Variants in TBC1D16 observed in about 807,000 individuals in gnomAD.
TBC1D16 encodes the protein TBC1 domain family member 16.
In TBC1D16, 58 loss-of-function variants were observed where a neutral mutation model predicts 74.7. That is an observed-to-expected ratio of 0.78 (90% CI 0.63 to 0.97). The LOEUF (loss-of-function observed/expected upper bound fraction) is 0.97, where lower values mean the gene tolerates loss of function less well. Among genes scored for constraint, TBC1D16 ranks in the 50% least tolerant of loss-of-function variants. TBC1D16 has a pLI of 0.00. For synonymous variants in TBC1D16, 493 were observed against 474.7 expected (o/e 1.04, Z -0.50); for missense variants, 1,014 against 1,079.5 (o/e 0.94, Z 0.85).
At position 80,013,572 on chromosome 17, in the gene TBC1D16, C is replaced by T. The variant is rs753863026; in HGVS notation, c.-25G>A. ...TTGCCGGGCAAGTGTTTCCATCCTC[C>T]GCATGCGTCGGCCCGGGCAGGGCTC... On this transcript the variant is annotated 5_prime_UTR_variant, in exon 2 of 12. Transcript: ENST00000310924. The T allele has an allele frequency of 2.5e-5, 36 of 1,468,360 alleles. No individual in the cohort carries two copies. The African/African-American group carries it at 3.1e-4, about 13-fold the overall frequency. The allele number at this position is 1,468,360 out of a possible 1,614,324, so 91.0% of individuals were successfully genotyped here. A position where few individuals can be genotyped will look rare whatever the true frequency, so the allele number is the denominator to read the frequency against.
Position 79,980,404 on chromosome 17 carries a change from G to A in TBC1D16, c.780-27586C>T, listed in dbSNP as rs1003627501. Reference sequence around the variant, plus strand: ...CTTTCCTTCCTTCCCGGAGGAACAAGACACTAAGAAGAGGTTCCCAGGGGA... The same window carrying A: ...CTTTCCTTCCTTCCCGGAGGAACAAAACACTAAGAAGAGGTTCCCAGGGGA... On this transcript the variant is annotated intron_variant, in intron 3 of 11. Coordinates refer to ENST00000310924, the MANE Select transcript of TBC1D16 (RefSeq NM_019020.4). This position sits in a 1 kb window ranked among gnomAD's most constrained non-coding sequence, Gnocchi z 7.0. Among the ~76,000 whole-genome samples the A allele has an allele frequency of 1.3e-5, 2 of 152,158 alleles. No individual in the cohort carries two copies. The highest frequency in any genetic ancestry group is 4.8e-5 in the African/African-American group (2 of 41,434).
chr17:80,023,662 C>CCCCCCCCCCCG (rs1568646902), intron 1 of TBC1D16, among the ~76,000 whole-genome samples: 1 of 144,208 alleles, frequency 6.9e-6, no homozygotes. Context: ...GCCGGGCCCC[C>CCCCCCCCCCCG]CCCCACCGGC....
intron 1 of TBC1D16, among the ~76,000 whole-genome samples, chr17:80,021,754 C>T (rs1190626621): frequency 6.8e-6 from 1 of 147,928 alleles, no homozygotes; most frequent in Non-Finnish European, 1.5e-5. Flanking sequence ...ACCATAGACA[C>T]ATCACACACA....
In TBC1D16 at chr17:80,010,271, T is replaced by C; in HGVS notation, c.668A>G (p.Asp223Gly). 1 of 1,613,430 alleles carries C rather than the reference T, an allele frequency of 6.2e-7. No individual in the cohort carries two copies. The highest frequency in any genetic ancestry group is 8.5e-7 in the Non-Finnish European group (1 of 1,179,836). The change falls in exon 3 of 12, where the codon GAC becomes GGC. Residue 223 changes from aspartate to glycine, a missense_variant. Coordinates refer to ENST00000310924, the MANE Select transcript of TBC1D16 (RefSeq NM_019020.4). The surrounding 1 kb of genome is among the most constrained non-coding windows in gnomAD (Gnocchi z 8.8). ...LELSAEGVSR[D>G]SSFDSDSDTF... ...GTCTGAGTCTGAGTCAAAGGAGCTGTCTCTGCTCACGCCCTCGGCTGACAG... is the reference window on the plus strand; with the variant it reads ...GTCTGAGTCTGAGTCAAAGGAGCTGCCTCTGCTCACGCCCTCGGCTGACAG...
intron 11 of TBC1D16, 29 bp downstream of exon 11, chr17:79,942,031 G>C: frequency 6.3e-7 from 1 of 1,587,694 alleles, no homozygotes; most frequent in Non-Finnish European, 8.5e-7. Context: ...GGCGGGGCGG[G>C]GTGGGGCCCA....
chr17:80,001,059 C>T lies in TBC1D16; in HGVS notation c.779+9101G>A, dbSNP rs569132171. On this transcript the variant is annotated intron_variant, in intron 3 of 11. Transcript: ENST00000310924. The surrounding 1 kb of genome is among the most constrained non-coding windows in gnomAD (Gnocchi z 5.8). Reference sequence around the variant, plus strand: ...GAGGGGACCAGTGCTCGGCTGGGCGCCTGCTTGGCTTCTCCGCCTGACAGT... The same window carrying T: ...GAGGGGACCAGTGCTCGGCTGGGCGTCTGCTTGGCTTCTCCGCCTGACAGT... Among the ~76,000 whole-genome samples, 266 of 152,348 alleles carry T rather than the reference C, an allele frequency of 1.7e-3. 2 individuals carry two copies. Among genetic ancestry groups the T allele is most frequent in the African/African-American group, 6.0e-3 (250 of 41,584 alleles).
At position 80,009,685 on chromosome 17, in the gene TBC1D16, T is replaced by G. The variant is rs1443063782; in HGVS notation, c.779+475A>C. On this transcript the variant is annotated intron_variant, in intron 3 of 11. Transcript: ENST00000310924. The surrounding 1 kb of genome is among the most constrained non-coding windows in gnomAD (Gnocchi z 5.4). Reference sequence around the variant, plus strand: ...GGGCCAGGTCACGTGCCCAGTGGGCTGCAGGGCAGAGCGGGGAGCTGGAGA... The same window carrying G: ...GGGCCAGGTCACGTGCCCAGTGGGCGGCAGGGCAGAGCGGGGAGCTGGAGA... 6.6e-6 allele frequency among the ~76,000 whole-genome samples: 1 copy of G among 152,226 alleles called. No individual in the cohort carries two copies. Among genetic ancestry groups the G allele is most frequent in the Non-Finnish European group, 1.5e-5 (1 of 68,032 alleles).
In TBC1D16 at chr17:80,009,349, T is replaced by C. The variant is rs1598421056; in HGVS notation, c.779+811A>G. 6.6e-6 allele frequency among the ~76,000 whole-genome samples: 1 copy of C among 152,342 alleles called. No homozygotes were observed. The highest frequency in any genetic ancestry group is 2.1e-4 in the South Asian group (1 of 4,826). On this transcript the variant is annotated intron_variant, in intron 3 of 11. Coordinates refer to ENST00000310924, the MANE Select transcript of TBC1D16 (RefSeq NM_019020.4). This position sits in a 1 kb window ranked among gnomAD's most constrained non-coding sequence, Gnocchi z 5.4. ...GGATGCAGGCCCCCTGTGCTGGCTC[T>C]GGGGCTCCGGGCTTATGCGACCACA... is the stretch of plus-strand genomic sequence containing the variant.
chr17:80,033,341 TTTG>T (rs541115982), intron 1 of TBC1D16, among the ~76,000 whole-genome samples: 226 of 150,486 alleles, frequency 1.5e-3, no homozygotes, highest in African/African-American at 4.1e-3. Context: ...AGTTGGGGTT[TTTG>T]TTGTTGTTTT....
At position 79,952,770 on chromosome 17, in the gene TBC1D16, G is replaced by A; in HGVS notation, c.828C>T (p.Gly276=). The change falls in exon 4 of 12, where the codon GGC becomes GGT. Residue 276 remains glycine (G), a synonymous_variant. Transcript: ENST00000310924. ...CGTCCCAGCGTGGGGTCTGCAGGAG[G>A]CCGTTGCTGTCCGGGAACCGCAGGC... ...DAGLRFPDSN[G]LLQTPRWDEP... is the part of the protein sequence containing the mutation. 1.9e-6 allele frequency: 3 copies of A among 1,612,000 alleles called. No individual in the cohort carries two copies. The highest frequency in any genetic ancestry group is 1.7e-6 in the Non-Finnish European group (2 of 1,179,312).
At position 80,010,498 on chromosome 17, in the gene TBC1D16, A is replaced by G. The variant is rs2035847377; in HGVS notation, c.441T>C (p.Ser147=). The G allele has an allele frequency of 6.2e-7, 1 of 1,610,512 alleles. No individual in the cohort carries two copies. The highest frequency in any genetic ancestry group is 8.5e-7 in the Non-Finnish European group (1 of 1,178,654). ...KDEDILVVAQ[S]VPDRMLASPA... ...GGCTGGCGAGCATGCGGTCTGGAAC[A>G]CTCTGGGCCACCACCAGGATGTCCT... Residue 147 remains serine, a synonymous_variant, in exon 3 of 12, where the codon AGT becomes AGC. Transcript: ENST00000310924. This position sits in a 1 kb window ranked among gnomAD's most constrained non-coding sequence, Gnocchi z 8.8.
At chr17:79,973,709 C>CAA (rs869165079) in intron 3 of TBC1D16, among the ~76,000 whole-genome samples, 3 of 95,258 alleles carry the variant, frequency 3.1e-5, no homozygotes, top group African/African-American at 3.4e-5. Context: ...GACTCTGTCT[C>CAA]AAAAAAAAAA....
In TBC1D16 at chr17:80,009,020, C is replaced by A. The variant is rs1186944318; in HGVS notation, c.779+1140G>T. Reference sequence around the variant, plus strand: ...TGGGAGACCCCTGGCAAGCTGCTGACCTTCTCCGAGCCGCCCTTTCCCCTT... The same window carrying A: ...TGGGAGACCCCTGGCAAGCTGCTGAACTTCTCCGAGCCGCCCTTTCCCCTT... On this transcript the variant is annotated intron_variant, in intron 3 of 11. Transcript: ENST00000310924. This position sits in a 1 kb window ranked among gnomAD's most constrained non-coding sequence, Gnocchi z 5.4. Among the ~76,000 whole-genome samples the A allele has an allele frequency of 1.3e-5, 2 of 152,204 alleles. No individual in the cohort carries two copies. Among genetic ancestry groups the A allele is most frequent in the African/African-American group, 4.8e-5 (2 of 41,446 alleles).
At chr17:80,006,401 G>A (rs1311652106) in intron 3 of TBC1D16, among the ~76,000 whole-genome samples, 2 of 152,118 alleles carry the variant, frequency 1.3e-5, no homozygotes, top group Admixed American at 6.5e-5. Flanking sequence ...GCTGCCCAGG[G>A]CATTCTCATG....
intron 3 of TBC1D16, among the ~76,000 whole-genome samples, chr17:80,006,552 A>G (rs2035686281): frequency 6.6e-6 from 1 of 152,132 alleles, no homozygotes; most frequent in Non-Finnish European, 1.5e-5. Context: ...TGGGTCTACC[A>G]TGTGGTGGGG....
chr17:80,033,122 G>C (rs997865061), intron 1 of TBC1D16, among the ~76,000 whole-genome samples: 7 of 152,204 alleles, frequency 4.6e-5, no homozygotes, highest in African/African-American at 1.7e-4. Flanking sequence ...AATGTTTTGT[G>C]TCAATCTAGT....
chr17:80,022,882 G>A (rs534389292), intron 1 of TBC1D16, among the ~76,000 whole-genome samples: 14 of 149,754 alleles, frequency 9.3e-5, no homozygotes, highest in Middle Eastern at 3.4e-3. Flanking sequence ...TGATCCGCCC[G>A]CCTCAACCTC....
chr17:80,031,380 G>C (rs1263353281), intron 1 of TBC1D16, among the ~76,000 whole-genome samples: 1 of 152,224 alleles, frequency 6.6e-6, no homozygotes, highest in Non-Finnish European at 1.5e-5. Context: ...GCAGAAGCGA[G>C]AACGGGACAT....
rs1041960311 is a variant in TBC1D16 at position 79,994,014 on chromosome 17, C to T, written c.779+16146G>A. ...TGGACAGCCCTCCTGATGCAGGGAG[C>T]GCCCATCCCTGGGGAGCACTGCCTC... On this transcript the variant is annotated intron_variant, in intron 3 of 11. Coordinates refer to ENST00000310924, the MANE Select transcript of TBC1D16 (RefSeq NM_019020.4). This position sits in a 1 kb window ranked among gnomAD's most constrained non-coding sequence, Gnocchi z 4.6. 1.3e-5 allele frequency among the ~76,000 whole-genome samples: 2 copies of T among 152,110 alleles called. No homozygotes were observed. Among genetic ancestry groups the T allele is most frequent in the African/African-American group, 2.4e-5 (1 of 41,414 alleles).
Sources: allele counts gnomAD v4.1 joint callset (sites outside exome capture counted in the v4.1 genomes callset), GRCh38; gene constraint gnomAD v4.1.1; non-coding constraint Gnocchi (gnomAD v3.1); transcripts MANE v1.5; gene names NCBI Gene and HGNC (gene_info 2026-07-23, HGNC 2026-07-21).